CDH8: variants seen among roughly 807,000 people sequenced by gnomAD.
The protein encoded by CDH8 is cadherin 8.
A neutral mutation model predicts 68.1 loss-of-function variants in CDH8; 17 were observed. That is an observed-to-expected ratio of 0.25 (90% CI 0.17 to 0.37). The LOEUF (loss-of-function observed/expected upper bound fraction) is 0.37. Ranked by LOEUF, CDH8 falls within the 10% of genes least tolerant of loss-of-function variation. CDH8 has a pLI of 1.00. For missense variants in CDH8, 763 were observed against 999.3 expected (o/e 0.76, Z 3.19); for synonymous variants, 372 against 365.1 (o/e 1.02, Z -0.21).
intron 10 of CDH8, among the ~76,000 whole-genome samples, chr16:61,674,758 A>C (rs938214226): frequency 4.6e-5 from 7 of 152,086 alleles, no homozygotes; most frequent in African/African-American, 1.7e-4. Context: ...GAAAACAATA[A>C]GAGAAATGGA....
At chr16:61,861,860 G>C (rs1963155992) in intron 3 of CDH8, among the ~76,000 whole-genome samples, 1 of 152,182 alleles carries the variant, frequency 6.6e-6, no homozygotes, top group Admixed American at 6.5e-5. Context: ...GAGCACAGAA[G>C]AGTTATTGAC....
At chr16:61,960,433 A>G (rs2150571112) in intron 2 of CDH8, among the ~76,000 whole-genome samples, 1 of 151,610 alleles carries the variant, frequency 6.6e-6, no homozygotes, top group South Asian at 2.1e-4. Flanking sequence ...ATACACATAC[A>G]TATGTAAAAT....
At chr16:62,009,207 G>T (rs1371552292) in intron 2 of CDH8, among the ~76,000 whole-genome samples, 2 of 152,114 alleles carry the variant, frequency 1.3e-5, no homozygotes, top group African/African-American at 4.8e-5. Context: ...TTTGCTAAAG[G>T]CATAAAGGGG....
At chr16:61,799,039 C>G (rs1311448813) in intron 7 of CDH8, among the ~76,000 whole-genome samples, 1 of 152,104 alleles carries the variant, frequency 6.6e-6, no homozygotes, top group African/African-American at 2.4e-5. Context: ...TGAGGATAAA[C>G]TCTCTTACAC....
rs1240757362 is a variant in CDH8, at chr16:62,021,518, C to T, written c.-115G>A. The stretch of plus-strand genomic sequence containing the variant: ...CGAGCATTTACTTACAGCTCTGCCA[C>T]GTGTCTATAGCACGGGAAACAGACA... On this transcript the variant is annotated 5_prime_UTR_variant, in exon 2 of 12. It adds an upstream start codon to the 5' untranslated region. Coordinates refer to ENST00000577390, the MANE Select transcript of CDH8 (RefSeq NM_001796.5). The T allele has an allele frequency of 1.3e-5, 19 of 1,489,554 alleles. No homozygotes were observed. Among genetic ancestry groups the T allele is most frequent in the East Asian group, 2.3e-5 (1 of 43,514 alleles). 92.3% of individuals were successfully genotyped at this position (1,489,554 alleles called of 1,614,324 possible).
chr16:61,671,357 T>G (rs188820163), intron 10 of CDH8, among the ~76,000 whole-genome samples: 1 of 151,676 alleles, frequency 6.6e-6, no homozygotes, highest in Non-Finnish European at 1.5e-5. Context: ...GAGGCTCCAC[T>G]GGGGAAGCTA....
intron 7 of CDH8, among the ~76,000 whole-genome samples, chr16:61,798,455 A>G (rs1961546915): frequency 6.6e-6 from 1 of 152,208 alleles, no homozygotes; most frequent in Admixed American, 6.5e-5. Flanking sequence ...CACTAACTAT[A>G]TGTGGCTATT....
At chr16:61,717,552 T>C in intron 9 of CDH8, among the ~76,000 whole-genome samples, 1 of 151,738 alleles carries the variant, frequency 6.6e-6, no homozygotes, top group East Asian at 1.9e-4. Flanking sequence ...CAAAAATATA[T>C]TATAGTAGCA....
intron 3 of CDH8, among the ~76,000 whole-genome samples, chr16:61,897,276 G>A (rs954514554): frequency 6.6e-6 from 1 of 151,026 alleles, no homozygotes; most frequent in Non-Finnish European, 1.5e-5. Flanking sequence ...TTTTTGAGAC[G>A]GAGTCTCGCA....
intron 10 of CDH8, among the ~76,000 whole-genome samples, chr16:61,701,559 G>A (rs1446964228): frequency 1.3e-5 from 2 of 152,140 alleles, no homozygotes; most frequent in Non-Finnish European, 1.5e-5. Flanking sequence ...ATAGGATAAT[G>A]TAGAATAAAT....
chr16:61,882,409 C>T (rs541964167), intron 3 of CDH8, among the ~76,000 whole-genome samples: 2 of 152,164 alleles, frequency 1.3e-5, no homozygotes, highest in Non-Finnish European at 2.9e-5. Flanking sequence ...CCTCTTTTAG[C>T]TATGAAGAAG....
chr16:61,727,174 C>A lies in CDH8; in HGVS notation c.1456G>T (p.Val486Leu). ...GGGGCGTTGTCATTGACATCCAGCA[C>A]TTTAATAGCAACAGGTACTCGTGAT... ...QISRVPVAIK[V>L]LDVNDNAPEF... The change falls in exon 9 of 12, where the codon GTG becomes TTG. Residue 486 changes from valine (V) to leucine (L), a missense_variant. Coordinates refer to ENST00000577390, the MANE Select transcript of CDH8 (RefSeq NM_001796.5). 6.2e-7 allele frequency: 1 copy of A among 1,610,074 alleles called. No individual in the cohort carries two copies.
At chr16:61,830,577 GTCTA>G (rs1962434129) in intron 4 of CDH8, among the ~76,000 whole-genome samples, 1 of 151,688 alleles carries the variant, frequency 6.6e-6, no homozygotes, top group Non-Finnish European at 1.5e-5. Flanking sequence ...CATAAATTGT[GTCTA>G]TCTTTTTTCA....
intron 2 of CDH8, among the ~76,000 whole-genome samples, chr16:62,008,352 C>T (rs997103264): frequency 2.0e-5 from 3 of 152,156 alleles, no homozygotes; most frequent in Non-Finnish European, 2.9e-5. Context: ...TTGACACTGT[C>T]GTACCATCTC....
chr16:61,702,835 T>C (rs1233071964), intron 10 of CDH8, among the ~76,000 whole-genome samples: 2 of 152,220 alleles, frequency 1.3e-5, no homozygotes, highest in Non-Finnish European at 2.9e-5. Flanking sequence ...AGCCGTGTTC[T>C]TTGCCTGGCA....
intron 2 of CDH8, among the ~76,000 whole-genome samples, chr16:61,907,770 C>A (rs1597056739): frequency 6.6e-6 from 1 of 151,902 alleles, no homozygotes; most frequent in South Asian, 2.1e-4. Flanking sequence ...AGGGGCCAGA[C>A]ACGGTGGCTC....
chr16:62,020,324 A>T (rs1902040833), intron 2 of CDH8, among the ~76,000 whole-genome samples: 3 of 152,204 alleles, frequency 2.0e-5, no homozygotes, highest in Admixed American at 1.3e-4. Context: ...GAAGATGTGC[A>T]TCAAAATTAA....
At chr16:61,739,114 T>C (rs923227485) in intron 8 of CDH8, among the ~76,000 whole-genome samples, 7 of 152,174 alleles carry the variant, frequency 4.6e-5, no homozygotes, top group African/African-American at 1.7e-4. Flanking sequence ...GCATTATATG[T>C]CAATTACTAA....
intron 2 of CDH8, among the ~76,000 whole-genome samples, chr16:62,008,941 G>GCACA (rs10530899): frequency 8.1e-5 from 12 of 147,880 alleles, no homozygotes; most frequent in African/African-American, 2.5e-4. Flanking sequence ...AATAGGATGT[G>GCACA]CACACACACA....
Sources: gnomAD v4.1 joint callset for allele counts (sites outside exome capture counted in the v4.1 genomes callset) on GRCh38, gnomAD v4.1.1 for gene constraint, MANE v1.5 for transcripts, NCBI Gene and HGNC (gene_info 2026-07-23, HGNC 2026-07-21) for gene names.